The following COL5A1 variants were observed in gnomAD, a reference collection of about 807,000 sequenced individuals.
COL5A1 encodes collagen type V alpha 1 chain.
A neutral mutation model predicts 263.7 loss-of-function variants in COL5A1; 16 were observed. That is an observed-to-expected ratio of 0.06 (90% CI 0.04 to 0.09). The LOEUF is 0.09. Among genes scored for constraint, COL5A1 ranks in the 10% least tolerant of loss-of-function variants. The probability of loss-of-function intolerance (pLI) is 1.00; values close to 1 mark genes in which losing one functional copy is unlikely to be tolerated. For missense variants in COL5A1, 2,036 were observed against 2,540.5 expected, an observed-to-expected ratio of 0.80 and a Z score of 4.27; for synonymous variants, 1,012 against 1,004.5, an observed-to-expected ratio of 1.01 and a Z score of -0.14.
intron 62 of COL5A1, among the ~76,000 whole-genome samples, chr9:134,825,572 A>G (rs1050777851): frequency 7.2e-5 from 11 of 152,148 alleles, no homozygotes; most frequent in Admixed American, 3.3e-4. Context: ...TGCTTCATGC[A>G]CCAGCTGTGT....
chr9:134,812,759 A>AGG (rs1554805192), intron 48 of COL5A1, 47 bp downstream of exon 48: 1 of 955,832 alleles, frequency 1.0e-6, no homozygotes, highest in African/African-American at 2.2e-5. Flanking sequence ...TTGTTTGAGG[A>AGG]GTGTGTGTGT....
At chr9:134,797,771 C>T (rs776023310) in intron 36 of COL5A1, among the ~76,000 whole-genome samples, 24 of 152,162 alleles carry the variant, frequency 1.6e-4, no homozygotes, top group Non-Finnish European at 2.8e-4. Context: ...CCACCGTGCC[C>T]GGAGCCCCCA....
At position 134,787,359 on chromosome 9, in the gene COL5A1, G is replaced by T. The variant is rs190619915; in HGVS notation, c.2646+1311G>T. 7.6e-3 allele frequency among the ~76,000 whole-genome samples: 1,163 copies of T among 152,304 alleles called. 5 individuals are homozygous for T. The highest frequency in any genetic ancestry group is 0.014 in the Middle Eastern group (4 of 294). On this transcript the variant is annotated intron_variant, in intron 31 of 65. Transcript: ENST00000371817. ...TTTCCTGGGTCCTGCCCCCTGCCTA[G>T]ATTGGCAGGCGGGCGTGTGAGTGGC...
At chr9:134,733,115 G>A (rs1009137712) in intron 9 of COL5A1, among the ~76,000 whole-genome samples, 3 of 152,178 alleles carry the variant, frequency 2.0e-5, no homozygotes, top group African/African-American at 7.2e-5. Flanking sequence ...TTGTTCTGCC[G>A]CCAGGACTCA....
At chr9:134,833,607 C>T (rs934263277) in intron 64 of COL5A1, among the ~76,000 whole-genome samples, 2 of 152,246 alleles carry the variant, frequency 1.3e-5, no homozygotes, top group Admixed American at 1.3e-4. Context: ...AGACATCATC[C>T]GGGACCCCTG....
chr9:134,707,950 G>C (rs1206095605), intron 4 of COL5A1, among the ~76,000 whole-genome samples: 1 of 152,244 alleles, frequency 6.6e-6, no homozygotes, highest in Non-Finnish European at 1.5e-5. Flanking sequence ...CGGGACGTGA[G>C]GGGATTCTGC....
Position 134,750,771 on chromosome 9 carries a change from C to T in COL5A1, c.1570-19C>T, listed in dbSNP as rs758143576. ...GCCACGTCACTGCTCCCAGAGTGAC[C>T]CTTGTCTTACACTTGCAGTTCCGGT... On this transcript the variant is annotated intron_variant, in intron 12 of 65. Transcript: ENST00000371817. 9 of 1,612,920 alleles carry T rather than the reference C, an allele frequency of 5.6e-6. No homozygotes were observed. The highest frequency in any genetic ancestry group is 6.8e-6 in the Non-Finnish European group (8 of 1,179,660).
At chr9:134,829,580 C>T (rs1356483127) in intron 63 of COL5A1, among the ~76,000 whole-genome samples, 1 of 150,974 alleles carries the variant, frequency 6.6e-6, no homozygotes, top group Non-Finnish European at 1.5e-5. Flanking sequence ...CCGGGCTCCT[C>T]ACGTGGCCTC....
rs543790185 is a variant in COL5A1, at chr9:134,783,491, G to T, written c.2484+771G>T. The stretch of plus-strand genomic sequence containing the variant: ...CAAAAGACTCTTGGAGGTTTCCCCA[G>T]TAACCTCTCAGCGAGCAGAAGCCCA... On this transcript the variant is annotated intron_variant, in intron 29 of 65. Transcript: ENST00000371817. Among the ~76,000 whole-genome samples, 16 of 152,260 alleles carry T rather than the reference G, an allele frequency of 1.1e-4. No individual in the cohort carries two copies. In the East Asian group the frequency reaches 3.1e-3, roughly 29 times the overall value.
chr9:134,809,545 G>A lies in COL5A1; in HGVS notation c.3474+255G>A, dbSNP rs11103536. Among the ~76,000 whole-genome samples the A allele has an allele frequency of 0.43, 64,776 of 152,138 alleles. 13,925 individuals carry two copies. Among genetic ancestry groups the A allele is most frequent in the East Asian group, 0.49 (2,515 of 5,162 alleles). ...CTCCTGTGTCATTTTGAGGTTGCCT[G>A]CAACATTTGCTGTGAGTAGCCACAG... is the stretch of plus-strand genomic sequence containing the variant. On this transcript the variant is annotated intron_variant, in intron 43 of 65. Coordinates refer to ENST00000371817, the MANE Select transcript of COL5A1 (RefSeq NM_000093.5).
chr9:134,795,355 C>T (rs371182036), intron 34 of COL5A1, 40 bp downstream of exon 34: 87 of 1,593,294 alleles, frequency 5.5e-5, no homozygotes, highest in African/African-American at 2.3e-4. Context: ...GGCGTGAACC[C>T]AAGTTGCAAG....
At chr9:134,717,236 T>C (rs924541265) in intron 4 of COL5A1, among the ~76,000 whole-genome samples, 1 of 150,752 alleles carries the variant, frequency 6.6e-6, no homozygotes, top group African/African-American at 2.4e-5. Flanking sequence ...GCTCTGGCAG[T>C]GTCTGTCAGA....
At chr9:134,672,476 CT>C (rs1314382526) in intron 1 of COL5A1, among the ~76,000 whole-genome samples, 1 of 152,174 alleles carries the variant, frequency 6.6e-6, no homozygotes, top group Non-Finnish European at 1.5e-5. Context: ...TTACATACTA[CT>C]TTGTAGTAGT....
At chr9:134,645,161 C>T (rs917467541) in intron 1 of COL5A1, among the ~76,000 whole-genome samples, 1 of 152,244 alleles carries the variant, frequency 6.6e-6, no homozygotes, top group Non-Finnish European at 1.5e-5. Context: ...GTGCCAGGCT[C>T]ACAGTGGTTT....
chr9:134,703,118 G>A (rs1423239987), intron 4 of COL5A1, among the ~76,000 whole-genome samples: 4 of 152,260 alleles, frequency 2.6e-5, no homozygotes, highest in Non-Finnish European at 5.9e-5. Context: ...TGTGAAGGTG[G>A]TGGAGATTCT....
chr9:134,752,675 C>T (rs770365872), intron 14 of COL5A1, 30 bp downstream of exon 14: 72 of 1,578,886 alleles, frequency 4.6e-5, no homozygotes, highest in Non-Finnish European at 5.7e-5. Context: ...GAGAGCTGGG[C>T]GTGGTGTGGG....
At chr9:134,823,963 C>CGT (rs202138014) in intron 61 of COL5A1, among the ~76,000 whole-genome samples, 4 of 151,490 alleles carry the variant, frequency 2.6e-5, no homozygotes, top group African/African-American at 9.7e-5. Flanking sequence ...CATGCATGGC[C>CGT]GTGTGTGTGT....
intron 50 of COL5A1, 62 bp downstream of exon 50, chr9:134,814,966 A>G: frequency 1.7e-6 from 2 of 1,186,100 alleles, no homozygotes; most frequent in South Asian, 2.7e-5. Context: ...CACTGGGATC[A>G]TTCTGACTCA....
chr9:134,823,540 C>CTG (rs144868811), intron 61 of COL5A1, 71 bp downstream of exon 61: 37 of 1,516,362 alleles, frequency 2.4e-5, no homozygotes, highest in Non-Finnish European at 3.1e-5. Context: ...GAGAAAGCAA[C>CTG]TGTGTGTGTG....
Sources: gnomAD v4.1 joint callset for allele counts (sites outside exome capture counted in the v4.1 genomes callset) on GRCh38, gnomAD v4.1.1 for gene constraint, MANE v1.5 for transcripts, NCBI Gene and HGNC (gene_info 2026-07-23, HGNC 2026-07-21) for gene names.